Variants in CHRM3 observed in about 807,000 individuals in gnomAD.
CHRM3 encodes muscarinic acetylcholine receptor M3.
CHRM3 carries 11 observed loss-of-function variants against 41.8 expected under a neutral mutation model. The observed-to-expected ratio is 0.26, with a 90% CI of 0.17 to 0.44. CHRM3 has a LOEUF of 0.44. Ranked by LOEUF, CHRM3 falls within the 20% of genes least tolerant of loss-of-function variation. The pLI, the probability that CHRM3 is intolerant of heterozygous loss-of-function variation, is 1.00. For missense variants in CHRM3, 571 were observed against 745.4 expected (o/e 0.77, Z 2.72); for synonymous variants, 297 against 301.4 (o/e 0.99, Z 0.15).
At chr1:239,473,317 G>A (rs1666258258) in intron 1 of CHRM3, among the ~76,000 whole-genome samples, 1 of 149,712 alleles carries the variant, frequency 6.7e-6, no homozygotes, top group African/African-American at 2.4e-5. Flanking sequence ...CAGAGACTGG[G>A]GAAATTTATC....
At chr1:239,574,693 A>G (rs1437710735) in intron 3 of CHRM3, among the ~76,000 whole-genome samples, 1 of 151,898 alleles carries the variant, frequency 6.6e-6, no homozygotes, top group Admixed American at 6.6e-5. Flanking sequence ...TCCCTCCACC[A>G]TATATTATGT....
intron 4 of CHRM3, among the ~76,000 whole-genome samples, chr1:239,656,203 C>T (rs4659550): frequency 0.64 from 96,661 of 151,878 alleles, 31,095 homozygotes; most frequent in East Asian, 0.84. Context: ...TCTGGGGTAC[C>T]ATGTTCATTA....
intron 5 of CHRM3, among the ~76,000 whole-genome samples, chr1:239,723,865 G>A (rs982781216): frequency 2.6e-5 from 4 of 151,828 alleles, no homozygotes; most frequent in Non-Finnish European, 5.9e-5. Context: ...GTAGAAGTTT[G>A]CATCCTGTCT....
At chr1:239,636,660 TG>T (rs1319900876) in intron 4 of CHRM3, among the ~76,000 whole-genome samples, 5 of 152,286 alleles carry the variant, frequency 3.3e-5, no homozygotes, top group African/African-American at 1.2e-4. Flanking sequence ...ATTATATGTT[TG>T]GAAAATGTTA....
intron 1 of CHRM3, among the ~76,000 whole-genome samples, chr1:239,409,786 C>CA (rs1660924037): frequency 1.3e-5 from 2 of 151,992 alleles, no homozygotes; most frequent in South Asian, 4.1e-4. Flanking sequence ...ACTAAAAATA[C>CA]AAAAAATTAC....
intron 4 of CHRM3, among the ~76,000 whole-genome samples, chr1:239,656,558 T>C (rs1489530147): frequency 6.6e-6 from 1 of 152,056 alleles, no homozygotes; most frequent in Admixed American, 6.6e-5. Context: ...GGAGGATCAC[T>C]TGAGCCCAGA....
intron 3 of CHRM3, among the ~76,000 whole-genome samples, chr1:239,625,159 G>A (rs1230571108): frequency 7.1e-5 from 3 of 42,466 alleles, no homozygotes; most frequent in African/African-American, 3.2e-4. Flanking sequence ...ATTTGTTTGT[G>A]TCCTCTTTTA....
intron 5 of CHRM3, among the ~76,000 whole-genome samples, chr1:239,751,419 G>A (rs1164031291): frequency 6.6e-6 from 1 of 152,016 alleles, no homozygotes; most frequent in Non-Finnish European, 1.5e-5. Context: ...GAGATAGGTG[G>A]CAACCACCCA....
chr1:239,570,745 G>A (rs1444342221), intron 3 of CHRM3, among the ~76,000 whole-genome samples: 1 of 152,046 alleles, frequency 6.6e-6, no homozygotes, highest in Non-Finnish European at 1.5e-5. Context: ...AAAAATGTGA[G>A]GGAGTTTAAT....
intron 5 of CHRM3, among the ~76,000 whole-genome samples, chr1:239,741,840 A>G (rs61834844): frequency 0.038 from 5,722 of 152,316 alleles, 175 homozygotes; most frequent in African/African-American, 0.069. Flanking sequence ...GGATTAAAAG[A>G]AAGTAAGATA....
chr1:239,537,931 G>T (rs1658366743), intron 2 of CHRM3, among the ~76,000 whole-genome samples: 1 of 152,150 alleles, frequency 6.6e-6, no homozygotes, highest in African/African-American at 2.4e-5. Context: ...TATGAAATAT[G>T]GATACTATTA....
At chr1:239,544,098 C>T (rs1333960538) in intron 2 of CHRM3, among the ~76,000 whole-genome samples, 5 of 152,198 alleles carry the variant, frequency 3.3e-5, no homozygotes, top group African/African-American at 1.2e-4. Flanking sequence ...GGAGTTTGCC[C>T]ACTCCTGCTC....
intron 6 of CHRM3, among the ~76,000 whole-genome samples, chr1:239,859,499 C>T (rs1460804823): frequency 6.7e-6 from 1 of 148,190 alleles, no homozygotes; most frequent in East Asian, 2.0e-4. Flanking sequence ...AATTTCTGCT[C>T]ACTGCAAACT....
chr1:239,792,565 G>C (rs571648857), intron 5 of CHRM3, among the ~76,000 whole-genome samples: 4 of 152,188 alleles, frequency 2.6e-5, no homozygotes, highest in Non-Finnish European at 4.4e-5. Context: ...ATCATTTTGA[G>C]AGTTCTTTCC....
At chr1:239,504,497 A>C (rs917706717) in intron 2 of CHRM3, among the ~76,000 whole-genome samples, 1 of 152,212 alleles carries the variant, frequency 6.6e-6, no homozygotes, top group African/African-American at 2.4e-5. Flanking sequence ...ACTATGGAAA[A>C]TAGTGTGGAG....
chr1:239,840,529 C>A (rs998327825), intron 6 of CHRM3, among the ~76,000 whole-genome samples: 2 of 152,118 alleles, frequency 1.3e-5, no homozygotes, highest in Non-Finnish European at 2.9e-5. Context: ...CCATTAGTGT[C>A]AAAATGCTGT....
chr1:239,691,048 T>G (rs1659666694), intron 5 of CHRM3, among the ~76,000 whole-genome samples: 1 of 152,160 alleles, frequency 6.6e-6, no homozygotes, highest in East Asian at 1.9e-4. Flanking sequence ...AGCAAAGACC[T>G]TATATCACTC....
intron 5 of CHRM3, among the ~76,000 whole-genome samples, chr1:239,805,824 G>A (rs1338392094): frequency 5.9e-5 from 9 of 151,966 alleles, no homozygotes; most frequent in Non-Finnish European, 1.5e-5. Flanking sequence ...ATTATTATTG[G>A]CCTCATTATT....
In CHRM3 at chr1:239,565,570, ATTTCT is replaced by A. The variant is rs201768562; in HGVS notation, c.-313+19825_-313+19829del. The stretch of plus-strand genomic sequence containing the variant: ...TTTTTAAATGTTTCGGCAAAAATAG[ATTTCT>A]TTTATTAGGAATTTATTTTTTAAGA... On this transcript the variant is annotated intron_variant, in intron 3 of 6. Transcript: ENST00000676153. Among the ~76,000 whole-genome samples the A allele has an allele frequency of 6.6e-3, 1,000 of 152,264 alleles. 7 individuals are homozygous for A. The highest frequency in any genetic ancestry group is 8.7e-3 in the South Asian group (42 of 4,824).
Sources: allele counts gnomAD v4.1 joint callset (sites outside exome capture counted in the v4.1 genomes callset), GRCh38; gene constraint gnomAD v4.1.1; transcripts MANE v1.5; gene names NCBI Gene and HGNC (gene_info 2026-07-23, HGNC 2026-07-21).